The following FIBCD1 variants were observed in gnomAD, a reference collection of about 807,000 sequenced individuals.
The protein encoded by FIBCD1 is fibrinogen C domain containing 1, also known as fibrinogen C domain-containing protein 1.
A neutral mutation model predicts 45.1 loss-of-function variants in FIBCD1; 47 were observed. The observed-to-expected ratio is 1.04, with a 90% CI of 0.82 to 1.33. The LOEUF (loss-of-function observed/expected upper bound fraction) is 1.33. Ranked by LOEUF, FIBCD1 falls within the 40% of genes most tolerant of loss-of-function variation. FIBCD1 has a pLI of 0.00. For missense variants in FIBCD1, 653 were observed against 682.2 expected (o/e 0.96, Z 0.48); for synonymous variants, 313 against 308.1 (o/e 1.02, Z -0.17).
intron 4 of FIBCD1, among the ~76,000 whole-genome samples, chr9:130,921,624 T>C (rs922112194): frequency 1.3e-5 from 2 of 152,162 alleles, no homozygotes; most frequent in Admixed American, 6.5e-5. Flanking sequence ...CCCGGGAGAT[T>C]GGCTTCATGT....
rs1468758265 is a variant in FIBCD1, at chr9:130,929,942, C to T, written c.177G>A (p.Ala59=). The change falls in exon 2 of 7, where the codon GCG becomes GCA. Residue 59 remains alanine, a synonymous_variant. Transcript: ENST00000372338. ...GAVLFLNHAH[A]PGTAPPPVVS... is the part of the protein sequence containing the mutation. ...CGACAGGTGGGGGCGCCGTGCCCGGCGCGTGGGCGTGGTTCAGGAAGAGCA... is the reference window on the plus strand; with the variant it reads ...CGACAGGTGGGGGCGCCGTGCCCGGTGCGTGGGCGTGGTTCAGGAAGAGCA... 8.4e-6 allele frequency: 13 copies of T among 1,548,774 alleles called. No individual in the cohort carries two copies. Among genetic ancestry groups the T allele is most frequent in the South Asian group, 1.2e-5 (1 of 83,878 alleles).
At position 130,902,740 on chromosome 9, in the gene FIBCD1, C is replaced by T. The variant is rs920588823; in HGVS notation, c.*1324G>A. 8 of 152,292 alleles carry T rather than the reference C, an allele frequency of 5.3e-5. No individual in the cohort carries two copies. The highest frequency in any genetic ancestry group is 1.7e-4 in the African/African-American group (7 of 41,474). 9.4% of individuals were successfully genotyped at this position (152,292 alleles called of 1,614,324 possible). A position where few individuals can be genotyped will look rare whatever the true frequency, so the allele number is the denominator to read the frequency against. On this transcript the variant is annotated 3_prime_UTR_variant, in exon 7 of 7. Transcript: ENST00000372338. ...AAAGCCGCCCTGCATCTGGGCCTGA[C>T]GTAACGCACGCGGGTCCAGGGCTGC...
intron 5 of FIBCD1, among the ~76,000 whole-genome samples, chr9:130,910,264 G>A (rs1832013000): frequency 6.6e-6 from 1 of 152,238 alleles, no homozygotes; most frequent in Non-Finnish European, 1.5e-5. Context: ...CTTAGCACCT[G>A]GGCCAGCGGC....
At chr9:130,910,154 G>A (rs998431424) in intron 5 of FIBCD1, among the ~76,000 whole-genome samples, 2 of 152,230 alleles carry the variant, frequency 1.3e-5, no homozygotes. Context: ...GGCTGCGTGC[G>A]GCGCTTGCGG....
intron 1 of FIBCD1, chr9:130,936,467 G>T (rs1408107105): frequency 6.6e-6 from 1 of 152,324 alleles, no homozygotes; most frequent in Non-Finnish European, 1.5e-5. Flanking sequence ...TATTGGCCCA[G>T]GCTCTTGGAG....
At chr9:130,907,670 C>T (rs1371418852) in intron 5 of FIBCD1, among the ~76,000 whole-genome samples, 2 of 152,236 alleles carry the variant, frequency 1.3e-5, no homozygotes, top group East Asian at 1.9e-4. Context: ...GAGGCCGAGA[C>T]GGGCAGATCA....
chr9:130,930,650 C>T (rs375407375), intron 1 of FIBCD1: 4 of 431,932 alleles, frequency 9.3e-6, no homozygotes, highest in African/African-American at 2.0e-5. Context: ...GTGTGGCCCC[C>T]GTGGAGCCCA....
chr9:130,904,169 C>A lies in FIBCD1; in HGVS notation c.1281G>T (p.Ala427=), dbSNP rs142422521. The change falls in exon 7 of 7, where the codon GCG becomes GCT. Residue 427 remains alanine, a synonymous_variant. Transcript: ENST00000372338. ...CCACGCCGTCGGCATAGGAGGCGTG[C>A]GCACCGCGCAGGTACTGCCCATTGA... The part of the protein sequence containing the change: ...SNLNGQYLRG[A]HASYADGVEW... The A allele has an allele frequency of 1.2e-6, 2 of 1,613,670 alleles. No individual in the cohort carries two copies. The highest frequency in any genetic ancestry group is 2.2e-5 in the South Asian group (2 of 91,084).
chr9:130,917,826 C>T (rs1277034443), intron 4 of FIBCD1, among the ~76,000 whole-genome samples: 1 of 152,082 alleles, frequency 6.6e-6, no homozygotes, highest in Non-Finnish European at 1.5e-5. Flanking sequence ...GAGTGGGCAA[C>T]CCAGGTGCGC....
At chr9:130,931,313 T>G (rs1035202138) in intron 1 of FIBCD1, among the ~76,000 whole-genome samples, 9 of 152,018 alleles carry the variant, frequency 5.9e-5, no homozygotes, top group South Asian at 2.1e-4. Flanking sequence ...ATCGAGACCA[T>G]CCTGGCCAAC....
At chr9:130,909,980 C>T (rs1347980137) in intron 5 of FIBCD1, among the ~76,000 whole-genome samples, 2 of 152,238 alleles carry the variant, frequency 1.3e-5, no homozygotes, top group East Asian at 1.9e-4. Flanking sequence ...AGCCCTCCCT[C>T]GCTCTCGGCG....
Position 130,922,991 on chromosome 9 carries a change from CT to C in FIBCD1, c.849+752del, listed in dbSNP as rs1202063627. ...TGACTTCTTCCGCCCCCAATGCCCC[CT>C]GGCGTGTAAATTCCTCGGGAGGACT... On this transcript the variant is annotated intron_variant, in intron 4 of 6. Coordinates refer to ENST00000372338, the MANE Select transcript of FIBCD1 (RefSeq NM_032843.5). This position sits in a 1 kb window ranked among gnomAD's most constrained non-coding sequence, Gnocchi z 4.5. 2.0e-5 allele frequency among the ~76,000 whole-genome samples: 3 copies of C among 152,222 alleles called. No homozygotes were observed. Among genetic ancestry groups the C allele is most frequent in the African/African-American group, 7.2e-5 (3 of 41,446 alleles).
At chr9:130,928,324 G>C (rs1246658628) in intron 2 of FIBCD1, among the ~76,000 whole-genome samples, 1 of 152,192 alleles carries the variant, frequency 6.6e-6, no homozygotes, top group African/African-American at 2.4e-5. Context: ...CAGCTCTAAG[G>C]GTGGGCCTTC....
intron 5 of FIBCD1, among the ~76,000 whole-genome samples, chr9:130,909,971 G>A (rs1832007032): frequency 1.3e-5 from 2 of 152,216 alleles, no homozygotes; most frequent in South Asian, 4.1e-4. Context: ...AGTCCTCACA[G>A]CCCTCCCTCG....
chr9:130,915,933 T>C (rs1181035747), intron 4 of FIBCD1, among the ~76,000 whole-genome samples: 1 of 148,574 alleles, frequency 6.7e-6, no homozygotes, highest in Non-Finnish European at 1.5e-5. Flanking sequence ...CGTGCATAGA[T>C]ATTTTCTTTT....
chr9:130,906,895 G>C (rs568013980), intron 5 of FIBCD1, among the ~76,000 whole-genome samples: 2 of 152,300 alleles, frequency 1.3e-5, no homozygotes, highest in Admixed American at 6.5e-5. Context: ...TCCAGGTGCT[G>C]ACTGCTGCTT....
At chr9:130,914,093 C>T (rs905549528) in intron 4 of FIBCD1, among the ~76,000 whole-genome samples, 11 of 152,184 alleles carry the variant, frequency 7.2e-5, no homozygotes, top group African/African-American at 2.7e-4. Context: ...CGAGAATAAG[C>T]TCAGGCCTGG....
At position 130,922,277 on chromosome 9, in the gene FIBCD1, C is replaced by A. The variant is rs755664572; in HGVS notation, c.849+1467G>T. ...GGTGGGGTTCTCACCGGCCCACCCC[C>A]GGGCCTGGTCTGGGGTCTCTGTTCC... On this transcript the variant is annotated intron_variant, in intron 4 of 6. Coordinates refer to ENST00000372338, the MANE Select transcript of FIBCD1 (RefSeq NM_032843.5). This position sits in a 1 kb window ranked among gnomAD's most constrained non-coding sequence, Gnocchi z 4.5. Among the ~76,000 whole-genome samples, 1 of 152,086 alleles carries A rather than the reference C, an allele frequency of 6.6e-6. No homozygotes were observed. Among genetic ancestry groups the A allele is most frequent in the Non-Finnish European group, 1.5e-5 (1 of 68,028 alleles).
At chr9:130,908,246 G>T (rs1009636605) in intron 5 of FIBCD1, among the ~76,000 whole-genome samples, 13 of 152,228 alleles carry the variant, frequency 8.5e-5, no homozygotes, top group Non-Finnish European at 1.9e-4. Context: ...GGGTGGTGCG[G>T]CAGAGGAGGG....
Sources: gnomAD v4.1 joint callset for allele counts (sites outside exome capture counted in the v4.1 genomes callset) on GRCh38, gnomAD v4.1.1 for gene constraint, Gnocchi (gnomAD v3.1) non-coding constraint, MANE v1.5 for transcripts, NCBI Gene and HGNC (gene_info 2026-07-23, HGNC 2026-07-21) for gene names.